Variants in ZFP41 observed in about 807,000 individuals in gnomAD.
ZFP41 encodes zinc finger protein 41 homolog.
Under a neutral mutation model 11.6 loss-of-function variants are expected in ZFP41, and 10 were observed. That is an observed-to-expected ratio of 0.86 (90% confidence interval 0.53 to 1.47). ZFP41 has a LOEUF of 1.47. Ranked by LOEUF, ZFP41 falls within the 40% of genes most tolerant of loss-of-function variation. The pLI is 0.00. For missense variants in ZFP41, 302 were observed against 264.6 expected (o/e 1.14, Z -0.98); for synonymous variants, 123 against 100.9 (o/e 1.22, Z -1.31).
In ZFP41 at chr8:143,249,812, C is replaced by A; in HGVS notation, c.-32C>A. ...GGGGCCAACAGAGAGGTCAGCAGCC[C>A]CTTAGCCCTCACGCTTCCAAGGAAC... is the stretch of plus-strand genomic sequence containing the variant. On this transcript the variant is annotated 5_prime_UTR_variant, in exon 2 of 3. Transcript: ENST00000330701. 3.9e-6 allele frequency: 6 copies of A among 1,547,590 alleles called. No individual in the cohort carries two copies. The highest frequency in any genetic ancestry group is 5.2e-6 in the Non-Finnish European group (6 of 1,152,866).
rs772300355 is a variant in ZFP41 at position 143,249,879 on chromosome 8, G to A, written c.36G>A (p.Pro12=). The change falls in exon 2 of 3, where the codon CCG becomes CCA. Residue 12 remains proline, a synonymous_variant. Coordinates refer to ENST00000330701, the MANE Select transcript of ZFP41 (RefSeq NM_173832.6). ...EKPAGRKKKT[P]TPREEADVQK... is the part of the protein sequence containing the mutation. Reference sequence around the variant, plus strand: ...CTGCAGGCAGAAAAAAGAAGACGCCGACCCCAAGGGAGGAGGCAGACGTGC... The same window carrying A: ...CTGCAGGCAGAAAAAAGAAGACGCCAACCCCAAGGGAGGAGGCAGACGTGC... The A allele has an allele frequency of 1.1e-5, 17 of 1,604,346 alleles. No individual in the cohort carries two copies. The highest frequency in any genetic ancestry group is 4.5e-5 in the East Asian group (2 of 44,804).
chr8:143,253,323 G>C (rs1008682127), intron 2 of ZFP41: 1 of 152,246 alleles, frequency 6.6e-6, no homozygotes, highest in African/African-American at 2.4e-5. Flanking sequence ...GAGGAGAGTG[G>C]CTAAATGTCA....
chr8:143,250,455 C>T lies in ZFP41; in HGVS notation c.*15C>T, dbSNP rs756946691. 2.6e-5 allele frequency: 41 copies of T among 1,602,592 alleles called. No homozygotes were observed. In the Middle Eastern group the frequency reaches 1.3e-3, roughly 52 times the overall value. ...AGAAGCCCTGAGCCGGGGCCATCTG[C>T]GGACTCGGGCCCTGCGGTGCGAGCC... On this transcript the variant is annotated 3_prime_UTR_variant, in exon 2 of 3. Coordinates refer to ENST00000330701, the MANE Select transcript of ZFP41 (RefSeq NM_173832.6).
chr8:143,260,302 C>G lies in ZFP41; in HGVS notation c.*1428C>G, dbSNP rs1161168074. The G allele has an allele frequency of 6.5e-6, 1 of 153,308 alleles. No individual in the cohort carries two copies. Among genetic ancestry groups the G allele is most frequent in the Non-Finnish European group, 1.5e-5 (1 of 68,710 alleles). 9.5% of individuals were successfully genotyped at this position (153,308 alleles called of 1,614,324 possible). A position where few individuals can be genotyped will look rare whatever the true frequency, so the allele number is the denominator to read the frequency against. On this transcript the variant is annotated 3_prime_UTR_variant, in exon 3 of 3. Coordinates refer to ENST00000330701, the MANE Select transcript of ZFP41 (RefSeq NM_173832.6). ...ATTTCTTCAAAGGTCAAAACCATCACAGTGGGCAACTTTACACCCCAGTGT... is the reference window on the plus strand; with the variant it reads ...ATTTCTTCAAAGGTCAAAACCATCAGAGTGGGCAACTTTACACCCCAGTGT...
At chr8:143,258,909 C>T (rs1199300667) in intron 2 of ZFP41, among the ~76,000 whole-genome samples, 1 of 152,210 alleles carries the variant, frequency 6.6e-6, no homozygotes, top group African/African-American at 2.4e-5. Flanking sequence ...TCCTCATCTC[C>T]TGCTGCGGCA....
intron 1 of ZFP41, chr8:143,249,172 G>A (rs1024055130): frequency 2.6e-5 from 4 of 152,450 alleles, no homozygotes; most frequent in Admixed American, 6.5e-5. Flanking sequence ...CAGCTACTCA[G>A]GAAGCTGAGG....
Position 143,259,990 on chromosome 8 carries a change from G to T in ZFP41, c.*1116G>T, listed in dbSNP as rs987632692. The T allele has an allele frequency of 2.0e-5, 3 of 153,430 alleles. No homozygotes were observed. Among genetic ancestry groups the T allele is most frequent in the Admixed American group, 1.3e-4 (2 of 15,296 alleles). 9.5% of individuals were successfully genotyped at this position (153,430 alleles called of 1,614,324 possible). On this transcript the variant is annotated 3_prime_UTR_variant, in exon 3 of 3. Transcript: ENST00000330701. ...GGGAGTGCGGTGTGCGGCAGAGTGC[G>T]TGCAGGGAAGCAGCCTCTGAAATCG...
In ZFP41 at chr8:143,250,662, G is replaced by A; in HGVS notation, c.*222G>A. ...GTCTCTCTGATCAAGACACCGCAGTGATGGAGAAGCCACCAGAGGCTCCTT... is the reference window on the plus strand; with the variant it reads ...GTCTCTCTGATCAAGACACCGCAGTAATGGAGAAGCCACCAGAGGCTCCTT... On this transcript the variant is annotated 3_prime_UTR_variant, in exon 2 of 3. Transcript: ENST00000330701. 1 of 707,056 alleles carries A rather than the reference G, an allele frequency of 1.4e-6. No homozygotes were observed. Among genetic ancestry groups the A allele is most frequent in the Non-Finnish European group, 2.3e-6 (1 of 435,356 alleles). The allele number at this position is 707,056 out of a possible 1,614,324, so 43.8% of individuals were successfully genotyped here. A position where few individuals can be genotyped will look rare whatever the true frequency, so the allele number is the denominator to read the frequency against.
At position 143,249,800 on chromosome 8, in the gene ZFP41, A is replaced by G. The variant is rs187917147; in HGVS notation, c.-44A>G. ...CATTGAGGAAGTGGGGCCAACAGAG[A>G]GGTCAGCAGCCCCTTAGCCCTCACG... On this transcript the variant is annotated 5_prime_UTR_variant, in exon 2 of 3. Transcript: ENST00000330701. The G allele has an allele frequency of 5.2e-3, 7,866 of 1,525,946 alleles. 23 individuals carry two copies. The highest frequency in any genetic ancestry group is 6.4e-3 in the Non-Finnish European group (7,265 of 1,141,934). The allele number at this position is 1,525,946 out of a possible 1,614,324, so 94.5% of individuals were successfully genotyped here.
At chr8:143,257,154 G>A (rs1487285079) in intron 2 of ZFP41, among the ~76,000 whole-genome samples, 1 of 152,222 alleles carries the variant, frequency 6.6e-6, no homozygotes, top group African/African-American at 2.4e-5. Flanking sequence ...GTCAGGAGAG[G>A]AGCTGGAAGT....
intron 2 of ZFP41, among the ~76,000 whole-genome samples, chr8:143,259,539 G>A (rs1178102962): frequency 6.6e-6 from 1 of 152,156 alleles, no homozygotes; most frequent in African/African-American, 2.4e-5. Context: ...ACTTCCTCAT[G>A]AACCTGGTGC....
chr8:143,250,651 G>A lies in ZFP41; in HGVS notation c.*211G>A, dbSNP rs1233703680. On this transcript the variant is annotated 3_prime_UTR_variant, in exon 2 of 3. Coordinates refer to ENST00000330701, the MANE Select transcript of ZFP41 (RefSeq NM_173832.6). ...CACTGCAGAGAGTCTCTCTGATCAA[G>A]ACACCGCAGTGATGGAGAAGCCACC... 4 of 767,324 alleles carry A rather than the reference G, an allele frequency of 5.2e-6. No homozygotes were observed. The highest frequency in any genetic ancestry group is 8.3e-6 in the Non-Finnish European group (4 of 484,578). 47.5% of individuals were successfully genotyped at this position (767,324 alleles called of 1,614,324 possible).
In ZFP41 at chr8:143,261,831, T is replaced by TCTCCGGCAGCACCTGCCACGCCC. The variant is rs1563731390; in HGVS notation, c.*2957_*2958insCTCCGGCAGCACCTGCCACGCCC. The TCTCCGGCAGCACCTGCCACGCCC allele has an allele frequency of 3.4e-4, 12 of 35,376 alleles. No homozygotes were observed. The highest frequency in any genetic ancestry group is 2.0e-3 in the African/African-American group (11 of 5,490). 2.2% of individuals were successfully genotyped at this position (35,376 alleles called of 1,614,324 possible). ...CCCGCACCCCTGCACCTGCCACGCC[T>TCTCCGGCAGCACCTGCCACGCCC]GTCTCCGGCAGCCCCTGCCCGCACC... On this transcript the variant is annotated 3_prime_UTR_variant, in exon 3 of 3. Coordinates refer to ENST00000330701, the MANE Select transcript of ZFP41 (RefSeq NM_173832.6).
At chr8:143,247,953 A>G (rs749552059) in intron 1 of ZFP41, among the ~76,000 whole-genome samples, 2 of 152,160 alleles carry the variant, frequency 1.3e-5, no homozygotes, top group East Asian at 1.9e-4. Flanking sequence ...CTGAGTAGCT[A>G]GGACTACAGG....
chr8:143,253,131 G>C (rs1814817769), intron 2 of ZFP41: 1 of 151,920 alleles, frequency 6.6e-6, no homozygotes, highest in African/African-American at 2.4e-5. Flanking sequence ...CTGGATTGTA[G>C]ACTCCAGGCA....
rs965112507 is a variant in ZFP41, at chr8:143,250,878, C to T, written c.*438C>T. On this transcript the variant is annotated 3_prime_UTR_variant, in exon 2 of 3. Transcript: ENST00000330701. Reference sequence around the variant, plus strand: ...CCTGTGATGTCCACTCTGCTTAAGCCTTTCATCTGCCGCTGAAGGCCCCAG... The same window carrying T: ...CCTGTGATGTCCACTCTGCTTAAGCTTTTCATCTGCCGCTGAAGGCCCCAG... 1 of 198,640 alleles carries T rather than the reference C, an allele frequency of 5.0e-6. No homozygotes were observed. Among genetic ancestry groups the T allele is most frequent in the Admixed American group, 5.3e-5 (1 of 18,856 alleles). 12.3% of individuals were successfully genotyped at this position (198,640 alleles called of 1,614,324 possible). A position where few individuals can be genotyped will look rare whatever the true frequency, so the allele number is the denominator to read the frequency against.
intron 2 of ZFP41, among the ~76,000 whole-genome samples, chr8:143,257,292 G>A (rs1165950434): frequency 6.6e-6 from 1 of 152,248 alleles, no homozygotes; most frequent in Admixed American, 6.5e-5. Context: ...AGGAGTTCAA[G>A]ACAAGTCATG....
chr8:143,257,454 G>A lies in ZFP41; in HGVS notation c.*901-2321G>A, dbSNP rs541619330. ...GGAGGTTGCAGTGAGCCAAGATCAC[G>A]CCATTGCACTCCAGCTCAGGCAATA... On this transcript the variant is annotated intron_variant, in intron 2 of 2. Coordinates refer to ENST00000330701, the MANE Select transcript of ZFP41 (RefSeq NM_173832.6). Among the ~76,000 whole-genome samples the A allele has an allele frequency of 1.1e-4, 17 of 152,248 alleles. No homozygotes were observed. In the South Asian group the frequency reaches 1.2e-3, roughly 11 times the overall value.
chr8:143,255,722 C>G (rs13268985), intron 2 of ZFP41, among the ~76,000 whole-genome samples: 114 of 54,514 alleles, frequency 2.1e-3, no homozygotes, highest in South Asian at 5.2e-3. Context: ...AGTGAGATCA[C>G]GGCTCACCCC....
Sources: allele counts gnomAD v4.1 joint callset (sites outside exome capture counted in the v4.1 genomes callset), GRCh38; gene constraint gnomAD v4.1.1; transcripts MANE v1.5; gene names NCBI Gene and HGNC (gene_info 2026-07-23, HGNC 2026-07-21).